Variants in SIAH3 observed in about 807,000 individuals in gnomAD.
SIAH3 encodes seven in absentia homolog 3.
SIAH3 carries 9 observed loss-of-function variants against 12.6 expected under a neutral mutation model. That is an observed-to-expected ratio of 0.72 (90% confidence interval 0.43 to 1.25). The LOEUF (loss-of-function observed/expected upper bound fraction) is 1.25. Among genes scored for constraint, SIAH3 ranks in the 50% most tolerant of loss-of-function variants. The pLI, the probability that SIAH3 is intolerant of heterozygous loss-of-function variation, is 0.00. For missense variants in SIAH3, 390 were observed against 365.4 expected (o/e 1.07, Z -0.55); for synonymous variants, 154 against 151.1 (o/e 1.02, Z -0.14).
chr13:45,839,041 T>C (rs1227457698), intron 1 of SIAH3, among the ~76,000 whole-genome samples: 1 of 152,166 alleles, frequency 6.6e-6, no homozygotes, highest in African/African-American at 2.4e-5. Flanking sequence ...GAAATGGTCA[T>C]TAAAATTTCG....
At chr13:45,838,365 A>G (rs1469378864) in intron 1 of SIAH3, among the ~76,000 whole-genome samples, 1 of 152,176 alleles carries the variant, frequency 6.6e-6, no homozygotes, top group Non-Finnish European at 1.5e-5. Flanking sequence ...TTGCTTCAGT[A>G]AGCACGCTGA....
At chr13:45,829,256 C>T (rs1950690030) in intron 1 of SIAH3, among the ~76,000 whole-genome samples, 1 of 152,182 alleles carries the variant, frequency 6.6e-6, no homozygotes, top group Non-Finnish European at 1.5e-5. Flanking sequence ...CTCAACTGTG[C>T]AGCTTGGTGA....
rs202034815 is a variant in SIAH3, at chr13:45,783,270, TAAA to T, written c.*110_*112del. 7.0e-6 allele frequency: 4 copies of T among 568,802 alleles called. No homozygotes were observed. Among genetic ancestry groups the T allele is most frequent in the Non-Finnish European group, 1.1e-5 (4 of 379,090 alleles). The allele number at this position is 568,802 out of a possible 1,614,324, so 35.2% of individuals were successfully genotyped here. A position where few individuals can be genotyped will look rare whatever the true frequency, so the allele number is the denominator to read the frequency against. ...CAAAAAAATAATAATAATTAAAAAT[TAAA>T]AAAAAAAAAAAGAAAGGAGAAGAAT... On this transcript the variant is annotated 3_prime_UTR_variant, in exon 2 of 2. Coordinates refer to ENST00000400405, the MANE Select transcript of SIAH3 (RefSeq NM_198849.3).
intron 1 of SIAH3, among the ~76,000 whole-genome samples, chr13:45,815,082 CA>C (rs1344765598): frequency 6.3e-5 from 9 of 142,698 alleles, no homozygotes; most frequent in Non-Finnish European, 1.2e-4. Flanking sequence ...AATAGACCTT[CA>C]TTTTTTTTTT....
chr13:45,828,041 C>A (rs1950685144), intron 1 of SIAH3, among the ~76,000 whole-genome samples: 1 of 152,220 alleles, frequency 6.6e-6, no homozygotes, highest in African/African-American at 2.4e-5. Flanking sequence ...CCAGTCCCAC[C>A]TCTGCTAATG....
At chr13:45,784,185 C>CATCA (rs138142386) in intron 1 of SIAH3, 128 bp from the exon 2 acceptor site, 1 of 694,620 alleles carries the variant, frequency 1.4e-6, no homozygotes, top group African/African-American at 1.8e-5. Flanking sequence ...ATTTCTTAAA[C>CATCA]AACAAACAAA....
intron 1 of SIAH3, among the ~76,000 whole-genome samples, chr13:45,843,032 C>CTGTGTGTGTGTGTGTGTGTG (rs746384493): frequency 0.12 from 14,676 of 125,724 alleles, 1,055 homozygotes; most frequent in South Asian, 0.16. Context: ...CTCTCTCTCT[C>CTGTGTGTGTGTGTGTGTGTG]TCTGTGTGTG....
intron 1 of SIAH3, among the ~76,000 whole-genome samples, chr13:45,812,293 C>A (rs1432995908): frequency 6.6e-6 from 1 of 152,166 alleles, no homozygotes; most frequent in Non-Finnish European, 1.5e-5. Flanking sequence ...GGAAAGGGGA[C>A]AGACAAGCCC....
chr13:45,801,097 G>GGC (rs796717522), intron 1 of SIAH3, among the ~76,000 whole-genome samples: 2 of 123,766 alleles, frequency 1.6e-5, no homozygotes, highest in East Asian at 4.0e-4. Context: ...ATGGGTGGCG[G>GGC]GGGGGGGCAT....
chr13:45,819,879 T>A (rs78539917), intron 1 of SIAH3, among the ~76,000 whole-genome samples: 1,961 of 152,246 alleles, frequency 0.013, 41 homozygotes, highest in African/African-American at 0.044. Context: ...GGGTCACTTA[T>A]AAAGAACAGA....
intron 1 of SIAH3, among the ~76,000 whole-genome samples, chr13:45,844,536 C>T (rs1418332683): frequency 3.3e-5 from 5 of 152,178 alleles, no homozygotes; most frequent in Non-Finnish European, 7.3e-5. Flanking sequence ...GCGAGACATG[C>T]TACTGGCATC....
chr13:45,799,902 A>G (rs9590928), intron 1 of SIAH3, among the ~76,000 whole-genome samples: 45,347 of 152,082 alleles, frequency 0.3, 7,666 homozygotes, highest in Non-Finnish European at 0.39. Context: ...TTCTGGGGGG[A>G]AAATGTATGT....
intron 1 of SIAH3, among the ~76,000 whole-genome samples, chr13:45,801,223 AG>A (rs1329792168): frequency 6.6e-6 from 1 of 152,230 alleles, no homozygotes; most frequent in Non-Finnish European, 1.5e-5. Flanking sequence ...ATTCTCCCTC[AG>A]TACCAAATGG....
chr13:45,851,397 T>C, intron 1 of SIAH3, 98 bp downstream of exon 1: 1 of 1,514,324 alleles, frequency 6.6e-7, no homozygotes. Context: ...AGACCCGGGT[T>C]TGCAAAGGGC....
At position 45,783,708 on chromosome 13, in the gene SIAH3, C is replaced by CA; in HGVS notation, c.484dup (p.Cys162LeufsTer17). On this transcript the variant is annotated frameshift_variant, in exon 2 of 2. Transcript: ENST00000400405. LOFTEE classifies it high-confidence loss of function. ...CACCAACAGAAAGTGGTGGCCAAGG[C>CA]AGGAGTGCATGATGATCCAATCAGC... 1.2e-6 allele frequency: 2 copies of CA among 1,614,138 alleles called. No homozygotes were observed. Among genetic ancestry groups the CA allele is most frequent in the Non-Finnish European group, 8.5e-7 (1 of 1,180,004 alleles).
rs1950503578 is a variant in SIAH3, at chr13:45,781,502, T to C, written c.*1881A>G. The stretch of plus-strand genomic sequence containing the variant: ...GGGTGGCTGGTGCCCTGGCAGGGCA[T>C]CTGAGAGCTCAAAGAATGCGCAGGC... On this transcript the variant is annotated 3_prime_UTR_variant, in exon 2 of 2. Coordinates refer to ENST00000400405, the MANE Select transcript of SIAH3 (RefSeq NM_198849.3). 1.3e-5 allele frequency: 2 copies of C among 152,184 alleles called. No homozygotes were observed. Among genetic ancestry groups the C allele is most frequent in the Non-Finnish European group, 2.9e-5 (2 of 68,022 alleles). The allele number at this position is 152,184 out of a possible 1,614,324, so 9.4% of individuals were successfully genotyped here. A position where few individuals can be genotyped will look rare whatever the true frequency, so the allele number is the denominator to read the frequency against.
intron 1 of SIAH3, among the ~76,000 whole-genome samples, chr13:45,845,096 A>G (rs1211593509): frequency 6.6e-6 from 1 of 152,162 alleles, no homozygotes; most frequent in Non-Finnish European, 1.5e-5. Context: ...GTGCCAATAT[A>G]CTATGCTATA....
chr13:45,828,070 C>T (rs1950685212), intron 1 of SIAH3, among the ~76,000 whole-genome samples: 1 of 152,188 alleles, frequency 6.6e-6, no homozygotes. Context: ...AACTTTCAGC[C>T]ATGTCTTAGC....
At chr13:45,844,107 T>C (rs1318831190) in intron 1 of SIAH3, among the ~76,000 whole-genome samples, 6 of 152,246 alleles carry the variant, frequency 3.9e-5, no homozygotes, top group Non-Finnish European at 7.3e-5. Context: ...TATTGTCTTA[T>C]GTGGAAATGA....
Sources: gnomAD v4.1 joint callset for allele counts (sites outside exome capture counted in the v4.1 genomes callset) on GRCh38, gnomAD v4.1.1 for gene constraint, MANE v1.5 for transcripts, NCBI Gene and HGNC (gene_info 2026-07-23, HGNC 2026-07-21) for gene names.